ANKRD62: variants seen among roughly 807,000 people sequenced by gnomAD.
The protein encoded by ANKRD62 is ankyrin repeat domain 62.
Under a neutral mutation model 98.8 loss-of-function variants are expected in ANKRD62, and 61 were observed. The ratio of observed to expected loss-of-function variants is 0.62; its 90% CI spans 0.50 to 0.76. ANKRD62 has a LOEUF of 0.76. Ranked by LOEUF, ANKRD62 falls within the 30% of genes least tolerant of loss-of-function variation. The pLI is 0.00. For synonymous variants in ANKRD62, 341 were observed against 367.9 expected (o/e 0.93, Z 0.84); for missense variants, 933 against 1,082.9 (o/e 0.86, Z 1.94).
At chr18:12,113,245 A>G (rs1299042617) in intron 8 of ANKRD62, among the ~76,000 whole-genome samples, 2 of 152,192 alleles carry the variant, frequency 1.3e-5, no homozygotes, top group Admixed American at 6.5e-5. Context: ...ACAAACATGG[A>G]AAAAAAGCTC....
At chr18:12,172,029 AT>A in the ANKRD62 span, among the ~76,000 whole-genome samples, 2 of 152,076 alleles carry the variant, frequency 1.3e-5, no homozygotes, top group Admixed American at 6.5e-5. Flanking sequence ...CTAGTTAGCC[AT>A]TCATCTAATC....
intron 6 of ANKRD62, chr18:12,102,541 TA>T: frequency 3.1e-6 from 1 of 323,840 alleles, no homozygotes; most frequent in Non-Finnish European, 5.7e-6. Flanking sequence ...GGTTAAAACA[TA>T]AACTCGCTTT....
intron 4 of ANKRD62, among the ~76,000 whole-genome samples, chr18:12,096,604 G>A (rs1909188406): frequency 6.6e-6 from 1 of 152,164 alleles, no homozygotes. Flanking sequence ...TGTTTTAAAA[G>A]TGTAGACTTC....
At chr18:12,141,057 G>A in the ANKRD62 span, among the ~76,000 whole-genome samples, 8 of 152,348 alleles carry the variant, frequency 5.3e-5, no homozygotes, top group African/African-American at 1.7e-4. Flanking sequence ...GCAATGGCGG[G>A]CGCCCCTCCG....
the ANKRD62 span, among the ~76,000 whole-genome samples, chr18:12,177,666 CT>C: frequency 1.1e-4 from 16 of 151,994 alleles, no homozygotes; most frequent in East Asian, 2.5e-3. Flanking sequence ...TCTCTTCCCC[CT>C]ATCCCTTCAT....
the ANKRD62 span, among the ~76,000 whole-genome samples, chr18:12,181,361 T>C: frequency 6.6e-6 from 1 of 152,242 alleles, no homozygotes; most frequent in East Asian, 1.9e-4. Context: ...CGGAAATTCA[T>C]GGAATAACAT....
At chr18:12,116,995 T>A (rs1909678654) in intron 10 of ANKRD62, among the ~76,000 whole-genome samples, 1 of 152,224 alleles carries the variant, frequency 6.6e-6, no homozygotes, top group Non-Finnish European at 1.5e-5. Flanking sequence ...TATCTCTGTT[T>A]CAGTTTTTGA....
At chr18:12,100,630 T>C (rs1157301247) in intron 6 of ANKRD62, among the ~76,000 whole-genome samples, 1 of 152,200 alleles carries the variant, frequency 6.6e-6, no homozygotes, top group African/African-American at 2.4e-5. Context: ...GATGTTATTT[T>C]TTAAAGATAC....
In ANKRD62 at chr18:12,122,315, T is replaced by C; in HGVS notation, c.1253T>C (p.Leu418Pro). The change falls in exon 11 of 14, where the codon CTA becomes CCA. Residue 418 changes from leucine to proline, a missense_variant. Transcript: ENST00000587848. ...CTCCTGGTAACAGATTTTGTTAGCC[T>C]ATCGAAAAGCAAGAATGCAACAGCT... ...SGMECKDFVSLSKSKNATAAC... is the reference protein window; with the variant it reads ...SGMECKDFVSPSKSKNATAAC... 1.3e-6 allele frequency: 2 copies of C among 1,534,138 alleles called. No individual in the cohort carries two copies. The highest frequency in any genetic ancestry group is 1.7e-6 in the Non-Finnish European group (2 of 1,146,348).
In ANKRD62 at chr18:12,122,354, C is replaced by T; in HGVS notation, c.1292C>T (p.Ser431Leu). The T allele has an allele frequency of 6.5e-7, 1 of 1,535,342 alleles. No individual in the cohort carries two copies. Among genetic ancestry groups the T allele is most frequent in the Non-Finnish European group, 8.7e-7 (1 of 1,146,662 alleles). The change falls in exon 11 of 14, where the codon TCA becomes TTA. Residue 431 changes from serine to leucine, a missense_variant. Transcript: ENST00000587848. ...SKNATAACGR[S>L]IEDQKCYCER... ...AATGCAACAGCTGCATGTGGAAGAT[C>T]AATAGAGGATCAAAAATGTTACTGT...
At chr18:12,132,903 A>C (rs2143941225), downstream of ANKRD62, among the ~76,000 whole-genome samples, 1 of 152,244 alleles carries the variant, frequency 6.6e-6, no homozygotes, top group Non-Finnish European at 1.5e-5. Context: ...ATTCTTTTTG[A>C]AAGTTCTGGT....
At chr18:12,139,429 GGTC>G in the ANKRD62 span, among the ~76,000 whole-genome samples, 1 of 152,084 alleles carries the variant, frequency 6.6e-6, no homozygotes, top group Non-Finnish European at 1.5e-5. Flanking sequence ...CGGATCACGA[GGTC>G]AGGAGATCGA....
Position 12,126,195 on chromosome 18 carries a change from G to C in ANKRD62, c.2374G>C (p.Asp792His). 2 of 1,536,082 alleles carry C rather than the reference G, an allele frequency of 1.3e-6. No homozygotes were observed. The highest frequency in any genetic ancestry group is 1.7e-6 in the Non-Finnish European group (2 of 1,146,848). ...TCTGTTGTATCAACAGCAGTGTAAT[G>C]ATGCTCGCAAGAAAGCTGACAATCA... ...QNLLYQQQCN[D>H]ARKKADNQEK... Residue 792 changes from aspartate to histidine, a missense_variant, in exon 13 of 14, where the codon GAT (aspartate) becomes CAT (histidine). Asp to His is a moderately conservative substitution (Grantham distance 81). Transcript: ENST00000587848.
chr18:12,107,878 A>G (rs151134516), intron 8 of ANKRD62, among the ~76,000 whole-genome samples: 1 of 152,278 alleles, frequency 6.6e-6, no homozygotes, highest in Non-Finnish European at 1.5e-5. Flanking sequence ...TTGTATATTT[A>G]TTATACATAT....
the ANKRD62 span, among the ~76,000 whole-genome samples, chr18:12,155,576 C>T: frequency 3.5e-3 from 538 of 152,308 alleles, 2 homozygotes; most frequent in African/African-American, 0.012. Flanking sequence ...ACCTATCTGC[C>T]TGGGCTTGGG....
At chr18:12,139,476 C>T in the ANKRD62 span, among the ~76,000 whole-genome samples, 3 of 151,956 alleles carry the variant, frequency 2.0e-5, no homozygotes, top group Admixed American at 6.6e-5. Context: ...AACCCCGTCT[C>T]TACTAAAAAT....
intron 6 of ANKRD62, 52 bp downstream of exon 6, chr18:12,099,734 A>G: frequency 9.3e-7 from 1 of 1,078,086 alleles, no homozygotes. Context: ...TAGATAAAAA[A>G]GTAAGAGGAA....
chr18:12,120,761 TTTC>T (rs998886156), intron 10 of ANKRD62, among the ~76,000 whole-genome samples: 3 of 152,194 alleles, frequency 2.0e-5, no homozygotes, highest in African/African-American at 7.2e-5. Context: ...TGATTTCATA[TTTC>T]TTTTTTGGTT....
At chr18:12,165,015 C>A in the ANKRD62 span, among the ~76,000 whole-genome samples, 1 of 151,932 alleles carries the variant, frequency 6.6e-6, no homozygotes, top group South Asian at 2.1e-4. Flanking sequence ...GAATTGACCC[C>A]TTTATCATTA....
Sources: allele counts gnomAD v4.1 joint callset (sites outside exome capture counted in the v4.1 genomes callset), GRCh38; gene constraint gnomAD v4.1.1; transcripts MANE v1.5; gene names NCBI Gene and HGNC (gene_info 2026-07-23, HGNC 2026-07-21).